The following CLVS1 variants were observed in gnomAD, a reference collection of about 807,000 sequenced individuals.
CLVS1 encodes clavesin-1.
A neutral mutation model predicts 33.1 loss-of-function variants in CLVS1; 10 were observed. That is an observed-to-expected ratio of 0.30 (90% CI 0.19 to 0.51). CLVS1 has a LOEUF of 0.51. Ranked by LOEUF, CLVS1 falls within the 20% of genes least tolerant of loss-of-function variation. The probability of loss-of-function intolerance (pLI) is 0.97; values close to 1 mark genes in which losing one functional copy is unlikely to be tolerated. For synonymous variants in CLVS1, 163 were observed against 166.1 expected (o/e 0.98, Z 0.14); for missense variants, 343 against 433.4 (o/e 0.79, Z 1.85).
chr8:61,440,811 G>C (rs148486653), intron 3 of CLVS1, among the ~76,000 whole-genome samples: 3 of 152,324 alleles, frequency 2.0e-5, no homozygotes, highest in African/African-American at 7.2e-5. Flanking sequence ...GGTTGGTACA[G>C]CTTCTCGGAC....
intron 2 of CLVS1, among the ~76,000 whole-genome samples, chr8:61,145,103 A>C (rs556718837): frequency 6.6e-6 from 1 of 152,206 alleles, no homozygotes; most frequent in African/African-American, 2.4e-5. Flanking sequence ...AAATTGACAA[A>C]TGAGATCTAA....
At chr8:61,487,041 T>G (rs181243616) in intron 5 of CLVS1, among the ~76,000 whole-genome samples, 6 of 152,328 alleles carry the variant, frequency 3.9e-5, no homozygotes, top group South Asian at 2.1e-4. Context: ...TTGAAAATTT[T>G]AATGAGCATA....
chr8:61,128,268 G>A (rs1329656081), intron 1 of CLVS1, among the ~76,000 whole-genome samples: 2 of 152,176 alleles, frequency 1.3e-5, no homozygotes, highest in East Asian at 1.9e-4. Context: ...GGAAGTCCCT[G>A]CAGCAAGGAG....
At chr8:61,177,983 A>G (rs1428330468) in intron 2 of CLVS1, among the ~76,000 whole-genome samples, 2 of 152,198 alleles carry the variant, frequency 1.3e-5, no homozygotes, top group Non-Finnish European at 2.9e-5. Flanking sequence ...GCAGAACTGT[A>G]TGGAGAATGA....
chr8:61,379,605 G>A (rs773239876), intron 3 of CLVS1, among the ~76,000 whole-genome samples: 19 of 152,160 alleles, frequency 1.2e-4, no homozygotes, highest in Non-Finnish European at 2.1e-4. Flanking sequence ...GGAGAACTTT[G>A]ATTAGTAATT....
At chr8:61,443,191 C>T (rs1262815393) in intron 3 of CLVS1, among the ~76,000 whole-genome samples, 2 of 152,154 alleles carry the variant, frequency 1.3e-5, no homozygotes, top group Non-Finnish European at 2.9e-5. Context: ...TTTTTGCTTT[C>T]ATCTACTTCG....
chr8:61,021,121 AC>A, the CLVS1 span, among the ~76,000 whole-genome samples: 1 of 151,894 alleles, frequency 6.6e-6, no homozygotes, highest in Non-Finnish European at 1.5e-5. Flanking sequence ...TCCTTTTCCC[AC>A]TTCTCTTGAG....
intron 1 of CLVS1, among the ~76,000 whole-genome samples, chr8:61,084,866 G>A (rs972998005): frequency 7.2e-5 from 11 of 152,212 alleles, no homozygotes; most frequent in Non-Finnish European, 1.5e-5. Context: ...AGGCATTCAA[G>A]TATTTTCCAA....
the CLVS1 span, among the ~76,000 whole-genome samples, chr8:61,051,140 C>A: frequency 0.48 from 73,425 of 152,052 alleles, 18,941 homozygotes; most frequent in East Asian, 0.68. Flanking sequence ...GCTCTAATTC[C>A]CAGGTAAAGC....
chr8:61,348,517 T>C (rs1475014535), intron 2 of CLVS1, among the ~76,000 whole-genome samples: 1 of 152,116 alleles, frequency 6.6e-6, no homozygotes, highest in Non-Finnish European at 1.5e-5. Context: ...CATAACGTCC[T>C]TCAGGTTCAT....
the CLVS1 span, among the ~76,000 whole-genome samples, chr8:61,049,466 A>G: frequency 6.6e-6 from 1 of 152,248 alleles, no homozygotes. Flanking sequence ...TTCCAATGAT[A>G]AATTATGAAG....
intron 1 of CLVS1, among the ~76,000 whole-genome samples, chr8:61,086,228 A>AAAAT (rs35848585): frequency 0.11 from 17,067 of 150,460 alleles, 1,089 homozygotes; most frequent in South Asian, 0.21. Context: ...CTCTGTCTCA[A>AAAAT]AAATAAATAA....
the CLVS1 span, among the ~76,000 whole-genome samples, chr8:61,045,728 A>G: frequency 2.0e-5 from 3 of 152,218 alleles, no homozygotes; most frequent in Admixed American, 2.0e-4. Flanking sequence ...CACCCACACA[A>G]TTTTAGGTAA....
intron 5 of CLVS1, among the ~76,000 whole-genome samples, chr8:61,490,012 G>A (rs373720659): frequency 5.9e-5 from 9 of 152,274 alleles, no homozygotes; most frequent in East Asian, 5.8e-4. Context: ...TCAATTTAAC[G>A]TTTAGAAATT....
chr8:61,007,760 A>G, the CLVS1 span, among the ~76,000 whole-genome samples: 1 of 152,236 alleles, frequency 6.6e-6, no homozygotes, highest in African/African-American at 2.4e-5. Context: ...GACGTGCAGG[A>G]CACAGTGGCC....
At chr8:60,968,232 G>A in the CLVS1 span, among the ~76,000 whole-genome samples, 1 of 152,216 alleles carries the variant, frequency 6.6e-6, no homozygotes, top group Non-Finnish European at 1.5e-5. Context: ...GTGCAAGGCC[G>A]GGCGCAGTGG....
chr8:61,410,564 C>T (rs183884381), intron 3 of CLVS1, among the ~76,000 whole-genome samples: 9 of 152,280 alleles, frequency 5.9e-5, no homozygotes, highest in Admixed American at 1.3e-4. Flanking sequence ...CAGCCTTCTT[C>T]GCTCTACTTC....
At chr8:61,410,942 A>C (rs554950813) in intron 3 of CLVS1, among the ~76,000 whole-genome samples, 1 of 152,268 alleles carries the variant, frequency 6.6e-6, no homozygotes, top group East Asian at 1.9e-4. Context: ...ACATCCAGAC[A>C]AATTTCATTA....
upstream of CLVS1, among the ~76,000 whole-genome samples, chr8:61,053,755 G>T (rs558688798): frequency 3.3e-5 from 5 of 152,290 alleles, no homozygotes; most frequent in Admixed American, 3.3e-4. Context: ...GCCAATTAGG[G>T]TTCTCTTTGA....
Sources: gnomAD v4.1 joint callset for allele counts (sites outside exome capture counted in the v4.1 genomes callset) on GRCh38, gnomAD v4.1.1 for gene constraint, MANE v1.5 for transcripts, NCBI Gene and HGNC (gene_info 2026-07-23, HGNC 2026-07-21) for gene names.